The following TBC1D12 variants were observed in gnomAD, a reference collection of about 807,000 sequenced individuals.
TBC1D12 encodes TBC1 domain family member 12, also known as TBC1 domain family, member 12.
In TBC1D12, 56 loss-of-function variants were observed where a neutral mutation model predicts 86.7. The observed-to-expected ratio is 0.65, with a 90% confidence interval of 0.52 to 0.81. The LOEUF (loss-of-function observed/expected upper bound fraction) is 0.81, where lower values mean the gene tolerates loss of function less well. Ranked by LOEUF, TBC1D12 falls within the 30% of genes least tolerant of loss-of-function variation. TBC1D12 has a pLI of 0.00. For synonymous variants in TBC1D12, 421 were observed against 411.7 expected (o/e 1.02, Z -0.27); for missense variants, 1,023 against 1,038.8 (o/e 0.98, Z 0.21).
At chr10:94,467,543 C>G (rs192088523) in intron 2 of TBC1D12, among the ~76,000 whole-genome samples, 1 of 152,146 alleles carries the variant, frequency 6.6e-6, no homozygotes, top group African/African-American at 2.4e-5. Context: ...TGTACTTTTC[C>G]TTTTGTCACG....
chr10:94,448,422 A>G (rs757787696), intron 2 of TBC1D12, among the ~76,000 whole-genome samples: 11 of 152,228 alleles, frequency 7.2e-5, no homozygotes, highest in South Asian at 2.1e-4. Context: ...AAACAAAACA[A>G]TTATTTCACT....
At chr10:94,500,615 A>G (rs1179783028) in intron 6 of TBC1D12, among the ~76,000 whole-genome samples, 2 of 152,240 alleles carry the variant, frequency 1.3e-5, no homozygotes, top group Non-Finnish European at 2.9e-5. Context: ...TTGGCAGTGG[A>G]TAATATGTAT....
At position 94,441,885 on chromosome 10, in the gene TBC1D12, C is replaced by T. The variant is rs1425708865; in HGVS notation, c.972-11C>T. The T allele has an allele frequency of 6.2e-7, 1 of 1,607,838 alleles. No individual in the cohort carries two copies. Among genetic ancestry groups the T allele is most frequent in the Admixed American group, 1.7e-5 (1 of 58,684 alleles). On this transcript the variant is annotated splice_polypyrimidine_tract_variant and intron_variant, in intron 1 of 12. Coordinates refer to ENST00000225235, the MANE Select transcript of TBC1D12 (RefSeq NM_015188.2). ...AAAAAACACAATTCATGTAACTTTT[C>T]TGTGTTTCAGAAACCTTTTTCCAAA...
intron 7 of TBC1D12, among the ~76,000 whole-genome samples, chr10:94,507,643 A>AG (rs1564983131): frequency 6.6e-6 from 1 of 152,206 alleles, no homozygotes. Flanking sequence ...AAGCATTGAA[A>AG]TTATGAGAAT....
At chr10:94,521,221 C>CAAAAAAAAAAAAA (rs1294257279) in intron 9 of TBC1D12, among the ~76,000 whole-genome samples, 11 of 48,532 alleles carry the variant, frequency 2.3e-4, no homozygotes, top group Non-Finnish European at 3.2e-4. Flanking sequence ...AAAAAGAAAC[C>CAAAAAAAAAAAAA]AAAAAAAAAA....
chr10:94,536,098 A>G lies in TBC1D12; in HGVS notation c.*3002A>G, dbSNP rs1162010681. Among the ~76,000 whole-genome samples the G allele has an allele frequency of 3.3e-5, 5 of 152,118 alleles. No individual in the cohort carries two copies. The highest frequency in any genetic ancestry group is 1.2e-4 in the African/African-American group (5 of 41,436). ...ACAGTACTGGCAGCTAAAATATTGT[A>G]CTGTATCTTCTCTTGAGCCCAGTAT... On this transcript the variant is annotated 3_prime_UTR_variant, in exon 13 of 13. Transcript: ENST00000225235.
chr10:94,478,630 G>A (rs2056030339), intron 3 of TBC1D12, among the ~76,000 whole-genome samples: 1 of 152,156 alleles, frequency 6.6e-6, no homozygotes, highest in Admixed American at 6.5e-5. Flanking sequence ...GTAGCTGAAT[G>A]TAATTGCTTA....
At chr10:94,440,909 A>G (rs1383812831) in intron 1 of TBC1D12, among the ~76,000 whole-genome samples, 1 of 152,156 alleles carries the variant, frequency 6.6e-6, no homozygotes, top group Non-Finnish European at 1.5e-5. Flanking sequence ...GAGTGCAATG[A>G]GGCGGTCTCG....
intron 1 of TBC1D12, among the ~76,000 whole-genome samples, chr10:94,416,501 GAC>G (rs1345429573): frequency 6.6e-6 from 1 of 152,166 alleles, no homozygotes; most frequent in Non-Finnish European, 1.5e-5. Flanking sequence ...TTACCCTTCA[GAC>G]ATTTAAGATT....
At chr10:94,418,977 T>A (rs903881411) in intron 1 of TBC1D12, among the ~76,000 whole-genome samples, 9 of 151,700 alleles carry the variant, frequency 5.9e-5, no homozygotes, top group Admixed American at 5.3e-4. Flanking sequence ...TTGGTTCAAG[T>A]GATTCTCCTG....
intron 1 of TBC1D12, among the ~76,000 whole-genome samples, chr10:94,407,451 G>A (rs1160036005): frequency 6.6e-6 from 1 of 152,226 alleles, no homozygotes; most frequent in Non-Finnish European, 1.5e-5. Context: ...GGAGGCTGAG[G>A]CGGGTGGATC....
At chr10:94,488,756 C>G (rs1001220773) in intron 3 of TBC1D12, among the ~76,000 whole-genome samples, 5 of 152,004 alleles carry the variant, frequency 3.3e-5, no homozygotes, top group Non-Finnish European at 5.9e-5. Context: ...TTCAAGGCAG[C>G]AGGTTCACTT....
At chr10:94,450,671 A>G (rs925626361) in intron 2 of TBC1D12, among the ~76,000 whole-genome samples, 15 of 152,148 alleles carry the variant, frequency 9.9e-5, no homozygotes, top group Admixed American at 8.5e-4. Context: ...ACATTTATCC[A>G]TACAAAAGGA....
rs1404731425 is a variant in TBC1D12, at chr10:94,402,918, C to A, written c.305C>A (p.Ala102Glu). The A allele has an allele frequency of 6.6e-7, 1 of 1,517,738 alleles. No homozygotes were observed. Among genetic ancestry groups the A allele is most frequent in the South Asian group, 1.2e-5 (1 of 80,298 alleles). 94.0% of individuals were successfully genotyped at this position (1,517,738 alleles called of 1,614,324 possible). A position where few individuals can be genotyped will look rare whatever the true frequency, so the allele number is the denominator to read the frequency against. Reference sequence around the variant, plus strand: ...CAGGCCGGCGCCCCGCCGCCCTCGGCAGCCCCACGATCGGACGCCTGCCTG... The same window carrying A: ...CAGGCCGGCGCCCCGCCGCCCTCGGAAGCCCCACGATCGGACGCCTGCCTG... ...AGQAGAPPPS[A>E]APRSDACLLG... Residue 102 changes from alanine (A) to glutamate (E), a missense_variant, in exon 1 of 13, where the codon GCA becomes GAA. Physicochemically the swap from Ala to Glu is moderately radical, Grantham distance 107. Around this residue, in one of 2 missense-constraint regions of TBC1D12, gnomAD observed 628 missense variants for 531.1 expected, o/e 1.18. Transcript: ENST00000225235.
At chr10:94,464,722 A>T (rs528216977) in intron 2 of TBC1D12, among the ~76,000 whole-genome samples, 2 of 152,198 alleles carry the variant, frequency 1.3e-5, no homozygotes, top group Non-Finnish European at 2.9e-5. Flanking sequence ...ATTATCAGTT[A>T]TTACTATACC....
chr10:94,434,642 C>G (rs1398663361), intron 1 of TBC1D12, among the ~76,000 whole-genome samples: 1 of 151,606 alleles, frequency 6.6e-6, no homozygotes, highest in Non-Finnish European at 1.5e-5. Flanking sequence ...TGCAATGGTT[C>G]ACACCTGTAA....
At chr10:94,531,618 T>C (rs1411567457) in intron 12 of TBC1D12, among the ~76,000 whole-genome samples, 158 bp downstream of exon 12, 1 of 151,546 alleles carries the variant, frequency 6.6e-6, no homozygotes, top group Non-Finnish European at 1.5e-5. Flanking sequence ...TTGCCCACTT[T>C]GCAGCTATCC....
intron 9 of TBC1D12, among the ~76,000 whole-genome samples, chr10:94,514,896 GTTTTTTTTTTCTTTT>G (rs2056569931): frequency 7.1e-6 from 1 of 141,822 alleles, no homozygotes; most frequent in South Asian, 2.2e-4. Context: ...CAGTGTGCAA[GTTTTTTTTTTCTTTT>G]TTTTTTTTTT....
intron 3 of TBC1D12, among the ~76,000 whole-genome samples, chr10:94,489,595 C>T (rs912010780): frequency 1.3e-5 from 2 of 152,194 alleles, no homozygotes; most frequent in African/African-American, 4.8e-5. Flanking sequence ...TCTTTCTTCA[C>T]CCCCCTATCT....
Sources: allele counts gnomAD v4.1 joint callset (sites outside exome capture counted in the v4.1 genomes callset), GRCh38; gene constraint gnomAD v4.1.1; regional missense constraint gnomAD v4.1.1; transcripts MANE v1.5; gene names NCBI Gene and HGNC (gene_info 2026-07-23, HGNC 2026-07-21).